The following INPP5B variants were observed in gnomAD, a reference collection of about 807,000 sequenced individuals.
The protein encoded by INPP5B is inositol polyphosphate-5-phosphatase B, also known as type II inositol 1,4,5-trisphosphate 5-phosphatase.
Under a neutral mutation model 118.5 loss-of-function variants are expected in INPP5B, and 90 were observed. The ratio of observed to expected loss-of-function variants is 0.76; its 90% CI spans 0.64 to 0.90. INPP5B has a LOEUF of 0.90. Among genes scored for constraint, INPP5B ranks in the 40% least tolerant of loss-of-function variants. The probability of loss-of-function intolerance (pLI) is 0.00; values close to 1 mark genes in which losing one functional copy is unlikely to be tolerated. For synonymous variants in INPP5B, 385 were observed against 418.9 expected (o/e 0.92, Z 0.99); for missense variants, 984 against 1,125.6 (o/e 0.87, Z 1.80).
rs1374406463 is a variant in INPP5B at position 37,880,078 on chromosome 1, G to A, written c.1541+7C>T. The A allele has an allele frequency of 8.8e-6, 14 of 1,594,340 alleles. No homozygotes were observed. The highest frequency in any genetic ancestry group is 1.2e-5 in the Non-Finnish European group (14 of 1,164,378). The stretch of plus-strand genomic sequence containing the variant: ...TGCTCAACCCTTTGAAGCAACCTCT[G>A]ACCTACCTGGTATCCCAGTCGTCAG... On this transcript the variant is annotated splice_region_variant and intron_variant, in intron 15 of 23. Transcript: ENST00000373024.
intron 5 of INPP5B, among the ~76,000 whole-genome samples, chr1:37,941,298 C>T (rs1645898891): frequency 6.6e-6 from 1 of 152,134 alleles, no homozygotes; most frequent in Non-Finnish European, 1.5e-5. Context: ...ATGGTGAGCA[C>T]TCAAACCATG....
intron 19 of INPP5B, among the ~76,000 whole-genome samples, chr1:37,871,522 C>CT (rs1642437129): frequency 1.3e-5 from 2 of 152,026 alleles, no homozygotes; most frequent in South Asian, 4.1e-4. Flanking sequence ...AATCCCAACA[C>CT]TTTGGAAAGC....
In INPP5B at chr1:37,943,685, T is replaced by A. The variant is rs746664163; in HGVS notation, c.251-16A>T. 1 of 1,613,460 alleles carries A rather than the reference T, an allele frequency of 6.2e-7. No individual in the cohort carries two copies. The highest frequency in any genetic ancestry group is 8.5e-7 in the Non-Finnish European group (1 of 1,179,700). Reference sequence around the variant, plus strand: ...TCTGGGGACACTGTGGGGAGGGAAATGAGAATGCCCTTAGCAATTGAGCTT... The same window carrying A: ...TCTGGGGACACTGTGGGGAGGGAAAAGAGAATGCCCTTAGCAATTGAGCTT... On this transcript the variant is annotated splice_polypyrimidine_tract_variant and intron_variant, in intron 4 of 23. Coordinates refer to ENST00000373024, the MANE Select transcript of INPP5B (RefSeq NM_005540.3).
chr1:37,871,176 G>C (rs1251260323), intron 19 of INPP5B, among the ~76,000 whole-genome samples: 1 of 108,924 alleles, frequency 9.2e-6, no homozygotes, highest in Non-Finnish European at 1.9e-5. Flanking sequence ...AAAAAAAAAA[G>C]GCCGGGCGCA....
At chr1:37,886,739 C>T (rs1477198777) in intron 12 of INPP5B, 149 bp downstream of exon 12, 4 of 654,314 alleles carry the variant, frequency 6.1e-6, no homozygotes, top group East Asian at 2.6e-5. Flanking sequence ...AAATAGTTTG[C>T]TCGACTGAGC....
intron 6 of INPP5B, 95 bp downstream of exon 6, chr1:37,940,593 T>G: frequency 1.4e-6 from 1 of 708,442 alleles, no homozygotes; most frequent in Non-Finnish European, 2.5e-6. Flanking sequence ...ACAGAAACCA[T>G]GGGGTAAGAG....
At chr1:37,925,310 T>C (rs1466341741) in intron 7 of INPP5B, among the ~76,000 whole-genome samples, 1 of 152,216 alleles carries the variant, frequency 6.6e-6, no homozygotes, top group African/African-American at 2.4e-5. Flanking sequence ...ATTCTCATCA[T>C]TGGCATTCCA....
chr1:37,876,107 G>GTTT (rs58127949), intron 16 of INPP5B, among the ~76,000 whole-genome samples: 1 of 122,174 alleles, frequency 8.2e-6, no homozygotes, highest in Non-Finnish European at 1.8e-5. Flanking sequence ...TCTCAAGTTT[G>GTTT]TTTTTTTTTT....
intron 7 of INPP5B, among the ~76,000 whole-genome samples, chr1:37,909,455 ACCT>A (rs748830320): frequency 4.0e-5 from 6 of 151,366 alleles, no homozygotes; most frequent in Non-Finnish European, 5.9e-5. Context: ...GCCCTCCCCC[ACCT>A]GCCCAACAAT....
chr1:37,891,787 A>T (rs1392038633), intron 7 of INPP5B, among the ~76,000 whole-genome samples: 1 of 152,172 alleles, frequency 6.6e-6, no homozygotes, highest in Non-Finnish European at 1.5e-5. Flanking sequence ...AAACAAACAA[A>T]CAAACAAATA....
chr1:37,868,733 T>C (rs1227076157), intron 19 of INPP5B, 119 bp from the exon 20 acceptor site: 1 of 690,236 alleles, frequency 1.4e-6, no homozygotes, highest in Non-Finnish European at 2.7e-6. Flanking sequence ...TAACCACGCA[T>C]TCCACAGACA....
At chr1:37,926,376 G>A (rs1051395562) in intron 7 of INPP5B, among the ~76,000 whole-genome samples, 2 of 151,430 alleles carry the variant, frequency 1.3e-5, no homozygotes, top group African/African-American at 4.9e-5. Context: ...TGCAACCTCC[G>A]CCTCCCAGGT....
chr1:37,919,613 T>C (rs1644985865), intron 7 of INPP5B, among the ~76,000 whole-genome samples: 1 of 152,152 alleles, frequency 6.6e-6, no homozygotes, highest in African/African-American at 2.4e-5. Flanking sequence ...ATGACAATGA[T>C]AGTATTATAA....
chr1:37,882,750 C>T, intron 14 of INPP5B, 57 bp downstream of exon 14: 1 of 1,383,378 alleles, frequency 7.2e-7, no homozygotes, highest in Non-Finnish European at 1.0e-6. Flanking sequence ...CCAGGCTTTT[C>T]TGTGCCCTCA....
chr1:37,932,928 G>T (rs544400211), intron 6 of INPP5B, among the ~76,000 whole-genome samples: 1 of 152,192 alleles, frequency 6.6e-6, no homozygotes, highest in South Asian at 2.1e-4. Context: ...AGAAATTCTT[G>T]AGTCACCTCT....
chr1:37,871,538 C>T (rs1297645460), intron 19 of INPP5B, among the ~76,000 whole-genome samples: 1 of 152,064 alleles, frequency 6.6e-6, no homozygotes. Context: ...AAAGCTGAGG[C>T]GGGCAGATCA....
At chr1:37,905,452 A>G (rs1452834103) in intron 7 of INPP5B, among the ~76,000 whole-genome samples, 1 of 152,228 alleles carries the variant, frequency 6.6e-6, no homozygotes, top group Non-Finnish European at 1.5e-5. Context: ...TATATGTTCC[A>G]AAATTATGGA....
intron 14 of INPP5B, among the ~76,000 whole-genome samples, chr1:37,880,423 TTTTATTTATTTATTTA>T (rs71278742): frequency 6.7e-6 from 1 of 149,732 alleles, no homozygotes; most frequent in Non-Finnish European, 1.5e-5. Context: ...GTTTTTAATG[TTTTATTTATTTATTTA>T]TTTATTTATT....
chr1:37,864,627 A>G (rs141282220), intron 22 of INPP5B: 1 of 434,688 alleles, frequency 2.3e-6, no homozygotes, highest in Non-Finnish European at 4.2e-6. Flanking sequence ...TTTTAACTAC[A>G]TGTTCCTATA....
Sources: gnomAD v4.1 joint callset for allele counts (sites outside exome capture counted in the v4.1 genomes callset) on GRCh38, gnomAD v4.1.1 for gene constraint, MANE v1.5 for transcripts, NCBI Gene and HGNC (gene_info 2026-07-23, HGNC 2026-07-21) for gene names.